AKAP3: variants seen among roughly 807,000 people sequenced by gnomAD.
AKAP3 encodes the protein A-kinase anchor protein 3.
AKAP3 carries 27 observed loss-of-function variants against 57.2 expected under a neutral mutation model. The observed-to-expected ratio is 0.47, with a 90% confidence interval of 0.35 to 0.65. The LOEUF is 0.65. AKAP3 is among the 30% of genes least tolerant of loss of function. AKAP3 has a pLI of 0.01. For synonymous variants in AKAP3, 334 were observed against 392.3 expected (o/e 0.85, Z 1.76); for missense variants, 959 against 1,040.0 (o/e 0.92, Z 1.07).
At chr12:4,632,452 G>T (rs1945510225) in intron 4 of AKAP3, among the ~76,000 whole-genome samples, 1 of 152,032 alleles carries the variant, frequency 6.6e-6, no homozygotes, top group African/African-American at 2.4e-5. Context: ...TGTTAACTTT[G>T]GGTTAGCAGT....
chr12:4,617,908 G>A (rs925417676), intron 5 of AKAP3, among the ~76,000 whole-genome samples: 1 of 152,172 alleles, frequency 6.6e-6, no homozygotes. Context: ...TCCAGCTTAA[G>A]TGGTAAACTA....
intron 4 of AKAP3, among the ~76,000 whole-genome samples, chr12:4,634,787 C>T (rs562626607): frequency 2.0e-5 from 3 of 149,636 alleles, no homozygotes; most frequent in Admixed American, 6.7e-5. Flanking sequence ...ATGCCATTAA[C>T]GCTCTTTCCA....
intron 4 of AKAP3, among the ~76,000 whole-genome samples, chr12:4,629,667 A>G (rs1357450501): frequency 6.6e-6 from 1 of 152,246 alleles, no homozygotes; most frequent in African/African-American, 2.4e-5. Flanking sequence ...CATCAGCTAG[A>G]TAGAAGAGTT....
intron 4 of AKAP3, chr12:4,631,341 G>T: frequency 1.4e-6 from 1 of 701,776 alleles, no homozygotes; most frequent in Non-Finnish European, 2.6e-6. Context: ...TAAGACGTTT[G>T]TGCTCACATG....
chr12:4,616,295 A>T (rs774718211), intron 5 of AKAP3, among the ~76,000 whole-genome samples: 14 of 152,210 alleles, frequency 9.2e-5, no homozygotes, highest in Non-Finnish European at 1.9e-4. Context: ...TTCAACCCTC[A>T]TGAAAATGTT....
intron 5 of AKAP3, among the ~76,000 whole-genome samples, chr12:4,622,429 CAG>C (rs1051596210): frequency 1.3e-5 from 2 of 152,170 alleles, no homozygotes; most frequent in African/African-American, 2.4e-5. Context: ...GGTACAAAAA[CAG>C]ACATACAGAC....
intron 4 of AKAP3, chr12:4,635,293 T>C (rs1945550095): frequency 2.7e-6 from 1 of 375,028 alleles, no homozygotes; most frequent in African/African-American, 2.1e-5. Context: ...TCCATTGTTA[T>C]TAACATTTAA....
In AKAP3 at chr12:4,628,285, G is replaced by A. The variant is rs757778089; in HGVS notation, c.617C>T (p.Ser206Leu). 4 of 1,613,980 alleles carry A rather than the reference G, an allele frequency of 2.5e-6. No individual in the cohort carries two copies. Among genetic ancestry groups the A allele is most frequent in the East Asian group, 4.5e-5 (2 of 44,878 alleles). Residue 206 changes from serine to leucine, a missense_variant, in exon 5 of 6, where the codon TCA becomes TTA. Physicochemically the swap from Ser to Leu is moderately radical, Grantham distance 145. Transcript: ENST00000228850. ...PGSGDRVSGSSQSPPNLKYKS... is the reference protein window; with the variant it reads ...PGSGDRVSGSLQSPPNLKYKS... ...GTATTTCAAATTTGGGGGACTTTGTGATGATCCCGAGACTCTGTCTCCAGA... is the reference window on the plus strand; with the variant it reads ...GTATTTCAAATTTGGGGGACTTTGTAATGATCCCGAGACTCTGTCTCCAGA...
At chr12:4,626,466 C>T in intron 5 of AKAP3, 30 bp downstream of exon 5, 1 of 1,594,446 alleles carries the variant, frequency 6.3e-7, no homozygotes, top group Non-Finnish European at 8.5e-7. Context: ...CTTAATAAAG[C>T]TTCCAAATTC....
rs745682866 is a variant in AKAP3 at position 4,615,911 on chromosome 12, A to G, written c.2407-17T>C. ...CTGAAGTAGCTGTGAAAGGAAAGAAAACACCAGTGGTGAGGCACAGCATCT... is the reference window on the plus strand; with the variant it reads ...CTGAAGTAGCTGTGAAAGGAAAGAAGACACCAGTGGTGAGGCACAGCATCT... On this transcript the variant is annotated splice_polypyrimidine_tract_variant and intron_variant, in intron 5 of 5. Coordinates refer to ENST00000228850, the MANE Select transcript of AKAP3 (RefSeq NM_001278309.2). 3.7e-6 allele frequency: 6 copies of G among 1,613,996 alleles called. No homozygotes were observed. The East Asian group carries it at 1.1e-4, about 30-fold the overall frequency.
At chr12:4,641,458 C>T (rs1945637021) in intron 3 of AKAP3, among the ~76,000 whole-genome samples, 1 of 152,200 alleles carries the variant, frequency 6.6e-6, no homozygotes. Context: ...AAGTGATCCG[C>T]CAGCCTTGGC....
chr12:4,639,508 T>G (rs112267822), intron 3 of AKAP3, among the ~76,000 whole-genome samples: 1 of 152,134 alleles, frequency 6.6e-6, no homozygotes, highest in African/African-American at 2.4e-5. Context: ...ACGTGTGCTG[T>G]CTTGGTTTGC....
intron 3 of AKAP3, among the ~76,000 whole-genome samples, chr12:4,640,081 G>A (rs1945619128): frequency 6.6e-6 from 1 of 152,118 alleles, no homozygotes; most frequent in African/African-American, 2.4e-5. Context: ...CTCCCAAAGT[G>A]CTGGGATTAC....
intron 2 of AKAP3, among the ~76,000 whole-genome samples, chr12:4,642,599 A>G (rs1945650351): frequency 6.6e-6 from 1 of 152,206 alleles, no homozygotes; most frequent in Admixed American, 6.5e-5. Flanking sequence ...TTTTTAGCCC[A>G]GGTCAAGGGC....
At chr12:4,629,963 A>G (rs539082029) in intron 4 of AKAP3, among the ~76,000 whole-genome samples, 349 of 152,344 alleles carry the variant, frequency 2.3e-3, no homozygotes, top group Non-Finnish European at 4.0e-3. Context: ...AGCTGTGATA[A>G]GCATATGAAC....
chr12:4,643,408 A>C (rs975953102), intron 2 of AKAP3, among the ~76,000 whole-genome samples: 3 of 152,182 alleles, frequency 2.0e-5, no homozygotes. Context: ...ATAAATTGCT[A>C]TAAGTTTAAA....
chr12:4,627,338 A>G lies in AKAP3; in HGVS notation c.1564T>C (p.Ser522Pro). ...KPENFMYDSD[S>P]WAEDLIVSAL... ...GACACGATCAGGTCCTCGGCCCAGG[A>G]GTCTGAATCATACATAAAATTCTCA... The change falls in exon 5 of 6, where the codon TCC becomes CCC. Residue 522 changes from serine to proline, a missense_variant. Transcript: ENST00000228850. 6.2e-7 allele frequency: 1 copy of G among 1,614,124 alleles called. No individual in the cohort carries two copies. The highest frequency in any genetic ancestry group is 8.5e-7 in the Non-Finnish European group (1 of 1,180,026).
At position 4,627,113 on chromosome 12, in the gene AKAP3, A is replaced by G; in HGVS notation, c.1789T>C (p.Phe597Leu). Residue 597 changes from phenylalanine (F) to leucine (L), a missense_variant, in exon 5 of 6, where the codon TTC becomes CTC. Coordinates refer to ENST00000228850, the MANE Select transcript of AKAP3 (RefSeq NM_001278309.2). Reference protein sequence around the residue: ...KKDLRSVFFNFIRNLLSETIF... With the variant: ...KKDLRSVFFNLIRNLLSETIF... ...GTCTCACTAAGTAAGTTCCGGATGA[A>G]ATTAAAGAAAACACTCCTTAGGTCC... 1.2e-6 allele frequency: 2 copies of G among 1,614,116 alleles called. No individual in the cohort carries two copies. The highest frequency in any genetic ancestry group is 1.7e-6 in the Non-Finnish European group (2 of 1,180,020).
At chr12:4,629,490 A>T (rs565983415) in intron 4 of AKAP3, among the ~76,000 whole-genome samples, 135 of 152,310 alleles carry the variant, frequency 8.9e-4, no homozygotes, top group African/African-American at 3.2e-3. Context: ...GAGTGGAGGT[A>T]GGGAGGAGGG....
Sources: allele counts gnomAD v4.1 joint callset (sites outside exome capture counted in the v4.1 genomes callset), GRCh38; gene constraint gnomAD v4.1.1; transcripts MANE v1.5; gene names NCBI Gene and HGNC (gene_info 2026-07-23, HGNC 2026-07-21).